Variants in NARS2 observed in about 807,000 individuals in gnomAD.
NARS2 encodes the protein asparaginyl-tRNA synthetase.
Under a neutral mutation model 62.9 loss-of-function variants are expected in NARS2, and 60 were observed. That is an observed-to-expected ratio of 0.95 (90% CI 0.77 to 1.18). The LOEUF is 1.18. Among genes scored for constraint, NARS2 ranks in the 50% most tolerant of loss-of-function variants. The probability of loss-of-function intolerance (pLI) is 0.00; values close to 1 mark genes in which losing one functional copy is unlikely to be tolerated. For missense variants in NARS2, 619 were observed against 576.4 expected (o/e 1.07, Z -0.76); for synonymous variants, 196 against 200.0 (o/e 0.98, Z 0.17).
rs1856529107 is a variant in NARS2, at chr11:78,560,701, TG to T, written c.514-1083del. On this transcript the variant is annotated intron_variant, in intron 4 of 13. Coordinates refer to ENST00000281038, the MANE Select transcript of NARS2 (RefSeq NM_024678.6). Reference sequence around the variant, plus strand: ...AGTATTCAGTCAACAACTTGCCTTATGATGTGGACTGATTAAATATTCAAGC... The same window carrying T: ...AGTATTCAGTCAACAACTTGCCTTATATGTGGACTGATTAAATATTCAAGC... Among the ~76,000 whole-genome samples, 9 of 152,350 alleles carry T rather than the reference TG, an allele frequency of 5.9e-5. No homozygotes were observed. In the South Asian group the frequency reaches 1.9e-3, roughly 32 times the overall value.
intron 5 of NARS2, among the ~76,000 whole-genome samples, chr11:78,538,294 T>C (rs908725768): frequency 4.6e-5 from 7 of 152,278 alleles, no homozygotes; most frequent in African/African-American, 1.7e-4. Context: ...CTAGTAAAAA[T>C]GACCCTTCTC....
At chr11:78,463,307 A>C (rs1565214065) in intron 11 of NARS2, among the ~76,000 whole-genome samples, 1 of 152,034 alleles carries the variant, frequency 6.6e-6, no homozygotes, top group Non-Finnish European at 1.5e-5. Context: ...CAATTTTCCC[A>C]CCTTGGACTA....
intron 5 of NARS2, 93 bp downstream of exon 5, chr11:78,559,446 T>C (rs531565455): frequency 3.3e-5 from 27 of 827,964 alleles, no homozygotes; most frequent in South Asian, 3.3e-4. Flanking sequence ...CTGCTCATAG[T>C]CTTCTGTCCA....
intron 11 of NARS2, among the ~76,000 whole-genome samples, chr11:78,464,361 G>A (rs1458440405): frequency 1.3e-5 from 2 of 152,188 alleles, no homozygotes; most frequent in African/African-American, 2.4e-5. Flanking sequence ...GGACCCGAGC[G>A]GGTTGCTACT....
chr11:78,469,157 GA>G, intron 10 of NARS2, 89 bp downstream of exon 10: 1 of 867,760 alleles, frequency 1.2e-6, no homozygotes, highest in Non-Finnish European at 1.9e-6. Context: ...AGAGAATTAA[GA>G]TGATTTTGAA....
chr11:78,443,553 T>C, intron 12 of NARS2, 108 bp downstream of exon 12: 2 of 602,534 alleles, frequency 3.3e-6, no homozygotes, highest in East Asian at 2.8e-5. Flanking sequence ...GATCCAGTTC[T>C]GTCAGGCGCC....
At chr11:78,484,482 T>G (rs563241660) in intron 7 of NARS2, among the ~76,000 whole-genome samples, 16 of 152,208 alleles carry the variant, frequency 1.1e-4, no homozygotes, top group African/African-American at 3.6e-4. Flanking sequence ...ATTTTTGCAA[T>G]CTACCCGTCT....
At chr11:78,440,770 T>C (rs1319775789) in intron 13 of NARS2, among the ~76,000 whole-genome samples, 1 of 152,102 alleles carries the variant, frequency 6.6e-6, no homozygotes, top group East Asian at 1.9e-4. Flanking sequence ...TGACCTCAGG[T>C]GATCCACCTG....
In NARS2 at chr11:78,566,140, A is replaced by G. The variant is rs1392388968; in HGVS notation, c.505T>C (p.Phe169Leu). 2.5e-6 allele frequency: 4 copies of G among 1,606,152 alleles called. No individual in the cohort carries two copies. The highest frequency in any genetic ancestry group is 3.4e-6 in the Non-Finnish European group (4 of 1,176,554). ...RSEATAAIHS[F>L]FKDSGFVHIH... ...AACTTTTAGGATCTTACCTTAAAGA[A>G]AGAATGAATAGCAGCTGTCGCTTCA... The change falls in exon 4 of 14, where the codon TTC becomes CTC. Residue 169 changes from phenylalanine (F) to leucine (L), a missense_variant. Physicochemically the swap from Phe to Leu is conservative, Grantham distance 22. Transcript: ENST00000281038.
Position 78,566,263 on chromosome 11 carries a change from TG to T in NARS2, c.381del (p.Ile128SerfsTer29). 6.3e-7 allele frequency: 1 copy of T among 1,586,394 alleles called. No homozygotes were observed. Among genetic ancestry groups the T allele is most frequent in the Admixed American group, 1.8e-5 (1 of 55,544 alleles). On this transcript the variant is annotated frameshift_variant, in exon 4 of 14. Coordinates refer to ENST00000281038, the MANE Select transcript of NARS2 (RefSeq NM_024678.6). LOFTEE classifies it high-confidence loss of function. The part of the protein sequence containing the change: ...VIGNCDAKDF[P>X]IKYKERHPLE... ...AGAGGATGCCTCTCTTTATATTTGA[TG>T]GGGAAATCCTGCCAATAAATGAAAA...
chr11:78,448,707 G>T (rs1021183638), intron 11 of NARS2, among the ~76,000 whole-genome samples: 6 of 152,170 alleles, frequency 3.9e-5, no homozygotes, highest in Admixed American at 6.5e-5. Flanking sequence ...AGAGACTATG[G>T]AATAACCGGA....
intron 9 of NARS2, among the ~76,000 whole-genome samples, chr11:78,473,421 G>A (rs117405340): frequency 0.011 from 1,674 of 152,254 alleles, 15 homozygotes; most frequent in Non-Finnish European, 0.018. Context: ...CTCATGGTAG[G>A]TATTTCCCTG....
At chr11:78,537,013 C>T (rs1445540888) in intron 5 of NARS2, among the ~76,000 whole-genome samples, 5 of 152,192 alleles carry the variant, frequency 3.3e-5, no homozygotes, top group African/African-American at 9.6e-5. Flanking sequence ...AGTACAGCAA[C>T]ATACTGAATA....
intron 5 of NARS2, among the ~76,000 whole-genome samples, chr11:78,544,028 A>AAAAAC (rs1855744284): frequency 6.6e-6 from 1 of 151,038 alleles, no homozygotes; most frequent in South Asian, 2.1e-4. Flanking sequence ...CAAAAAAAAA[A>AAAAAC]AAAAAAAAAA....
chr11:78,491,553 T>TCA (rs1859819755), intron 7 of NARS2, among the ~76,000 whole-genome samples: 1 of 152,220 alleles, frequency 6.6e-6, no homozygotes, highest in South Asian at 2.1e-4. Flanking sequence ...AATGATTGGT[T>TCA]GATATGGGAA....
chr11:78,512,677 T>C (rs966999805), intron 6 of NARS2, among the ~76,000 whole-genome samples: 5 of 152,214 alleles, frequency 3.3e-5, no homozygotes, highest in Admixed American at 6.5e-5. Context: ...TCAGTACTTT[T>C]TGGCAAGCAT....
intron 6 of NARS2, among the ~76,000 whole-genome samples, chr11:78,511,282 T>A (rs1341701088): frequency 6.6e-6 from 1 of 152,244 alleles, no homozygotes; most frequent in African/African-American, 2.4e-5. Flanking sequence ...TCTCACTATG[T>A]TGCCCAGGCT....
intron 5 of NARS2, among the ~76,000 whole-genome samples, chr11:78,536,878 C>A (rs1445349018): frequency 1.3e-5 from 2 of 151,964 alleles, no homozygotes; most frequent in Non-Finnish European, 2.9e-5. Context: ...TGGTAAGTGC[C>A]CTATACAGGT....
At chr11:78,466,818 T>C (rs549737590) in intron 10 of NARS2, among the ~76,000 whole-genome samples, 46 of 152,318 alleles carry the variant, frequency 3.0e-4, no homozygotes, top group Middle Eastern at 3.4e-3. Flanking sequence ...AACTCATGTA[T>C]GAGATGCTCT....
Sources: allele counts gnomAD v4.1 joint callset (sites outside exome capture counted in the v4.1 genomes callset), GRCh38; gene constraint gnomAD v4.1.1; transcripts MANE v1.5; gene names NCBI Gene and HGNC (gene_info 2026-07-23, HGNC 2026-07-21).